The following GADL1 variants were observed in gnomAD, a reference collection of about 807,000 sequenced individuals.
GADL1 encodes acidic amino acid decarboxylase GADL1.
In GADL1, 71 loss-of-function variants were observed where a neutral mutation model predicts 69.5. The ratio of observed to expected loss-of-function variants is 1.02; its 90% CI spans 0.84 to 1.25. The LOEUF is 1.25. Among genes scored for constraint, GADL1 ranks in the 50% most tolerant of loss-of-function variants. GADL1 has a pLI of 0.00. For missense variants in GADL1, 737 were observed against 631.8 expected, an observed-to-expected ratio of 1.17 and a Z score of -1.79; for synonymous variants, 254 against 214.4, an observed-to-expected ratio of 1.18 and a Z score of -1.62.
intron 1 of GADL1, among the ~76,000 whole-genome samples, chr3:30,881,190 T>C (rs1429155844): frequency 6.6e-6 from 1 of 151,958 alleles, no homozygotes. Context: ...TAAATTGTAA[T>C]TATGCTTGTA....
chr3:30,867,317 A>C (rs560131946), intron 1 of GADL1, among the ~76,000 whole-genome samples: 3 of 151,298 alleles, frequency 2.0e-5, no homozygotes, highest in African/African-American at 4.9e-5. Flanking sequence ...CAAAACTTCA[A>C]ATCTTCAGTT....
intron 14 of GADL1, among the ~76,000 whole-genome samples, chr3:30,733,601 CT>C (rs1204876669): frequency 6.7e-6 from 1 of 148,514 alleles, no homozygotes; most frequent in Non-Finnish European, 1.5e-5. Flanking sequence ...TCCTTCCTTC[CT>C]TCCTTCCTTC....
rs750549374 is a variant in GADL1, at chr3:30,857,127, C to A, written c.225G>T (p.Arg75Ser). 10 of 1,550,024 alleles carry A rather than the reference C, an allele frequency of 6.5e-6. No homozygotes were observed. The highest frequency in any genetic ancestry group is 8.7e-6 in the Non-Finnish European group (10 of 1,145,720). ...TDVNEKVCEW[R>S]PPEQLKQLLD... ...GAAGCTGTTTCAGTTGTTCAGGAGG[C>A]CTCCATTCACACACCTGGAGATTCA... The change falls in exon 3 of 15, where the codon AGG becomes AGT. Residue 75 changes from arginine (R) to serine (S), a missense_variant. Arg to Ser is a moderately radical substitution (Grantham distance 110). Coordinates refer to ENST00000282538, the MANE Select transcript of GADL1 (RefSeq NM_207359.3).
chr3:30,894,545 A>G, intron 1 of GADL1, 33 bp downstream of exon 1: 1 of 1,539,222 alleles, frequency 6.5e-7, no homozygotes, highest in Non-Finnish European at 8.8e-7. Flanking sequence ...GGGGAGGTTA[A>G]GGACAAAAAC....
Position 30,869,645 on chromosome 3 carries a change from A to ATTT in GADL1, c.38-7881_38-7880insAAA, listed in dbSNP as rs1398818258. Among the ~76,000 whole-genome samples, 19 of 144,490 alleles carry ATTT rather than the reference A, an allele frequency of 1.3e-4. No homozygotes were observed. In the East Asian group the frequency reaches 2.5e-3, roughly 19 times the overall value. The allele number at this position is 144,490 out of a possible 152,430, so 94.8% of individuals were successfully genotyped here. On this transcript the variant is annotated intron_variant, in intron 1 of 14. Transcript: ENST00000282538. ...ATCTATTTTATTTTATTTTTTTTTG[A>ATTT]AAAGAGCAAGACGAGAATTTTAATC...
intron 11 of GADL1, among the ~76,000 whole-genome samples, chr3:30,815,232 T>G (rs1411467472): frequency 6.6e-6 from 1 of 152,132 alleles, no homozygotes; most frequent in African/African-American, 2.4e-5. Flanking sequence ...TAAAACTGGT[T>G]AAATTTGTGT....
intron 1 of GADL1, among the ~76,000 whole-genome samples, chr3:30,875,884 C>G (rs1698570618): frequency 6.6e-6 from 1 of 151,822 alleles, no homozygotes; most frequent in Non-Finnish European, 1.5e-5. Context: ...CATTCACACA[C>G]AAGAAAAAGC....
At chr3:30,856,739 T>C (rs997011758) in intron 3 of GADL1, among the ~76,000 whole-genome samples, 7 of 152,040 alleles carry the variant, frequency 4.6e-5, no homozygotes, top group African/African-American at 1.4e-4. Context: ...TGATAATATA[T>C]GATCTTGATT....
intron 11 of GADL1, among the ~76,000 whole-genome samples, chr3:30,814,890 G>A (rs9825703): frequency 6.6e-6 from 1 of 151,572 alleles, no homozygotes; most frequent in African/African-American, 2.4e-5. Context: ...CTTGAACCTG[G>A]GAGGCGGAGA....
chr3:30,841,427 G>A (rs901706022), intron 8 of GADL1, among the ~76,000 whole-genome samples: 6 of 152,076 alleles, frequency 3.9e-5, no homozygotes, highest in African/African-American at 2.4e-5. Context: ...GATAATGACT[G>A]TGGTGGAATA....
rs1313783898 is a variant in GADL1, at chr3:30,800,804, TAGACAC to T, written c.1250+79_1250+84del. The stretch of plus-strand genomic sequence containing the variant: ...TAGGTCTTCCTATTACAGACACAGA[TAGACAC>T]ACACACACACACACACACACACACA... On this transcript the variant is annotated intron_variant, in intron 12 of 14. Transcript: ENST00000282538. 8.7e-4 allele frequency: 837 copies of T among 960,924 alleles called. 2 individuals are homozygous for T. The East Asian group carries it at 0.014, about 16-fold the overall frequency. 59.5% of individuals were successfully genotyped at this position (960,924 alleles called of 1,614,324 possible). A position where few individuals can be genotyped will look rare whatever the true frequency, so the allele number is the denominator to read the frequency against.
chr3:30,761,392 G>T (rs1414928567), intron 14 of GADL1, among the ~76,000 whole-genome samples: 1 of 152,050 alleles, frequency 6.6e-6, no homozygotes, highest in Non-Finnish European at 1.5e-5. Flanking sequence ...GACAAAACAA[G>T]TAGCCAAGTC....
chr3:30,837,092 G>A (rs1389137400), intron 9 of GADL1, among the ~76,000 whole-genome samples: 4 of 151,982 alleles, frequency 2.6e-5, no homozygotes. Flanking sequence ...TGTATGCAGA[G>A]CAGCATGGTT....
At chr3:30,806,764 CAG>C (rs1189558938) in intron 11 of GADL1, among the ~76,000 whole-genome samples, 8 of 152,166 alleles carry the variant, frequency 5.3e-5, no homozygotes, top group Admixed American at 3.3e-4. Context: ...GATGAGAGAA[CAG>C]AACTAATTGA....
intron 14 of GADL1, among the ~76,000 whole-genome samples, chr3:30,771,753 CAA>C (rs780499685): frequency 5.7e-4 from 87 of 152,270 alleles, no homozygotes; most frequent in Non-Finnish European, 1.1e-3. Context: ...ATACTAATGT[CAA>C]AGACAATGAC....
intron 8 of GADL1, among the ~76,000 whole-genome samples, chr3:30,840,312 C>T (rs547360007): frequency 1.1e-4 from 17 of 152,186 alleles, no homozygotes; most frequent in African/African-American, 3.6e-4. Context: ...ATATGTGGTT[C>T]GCCTCTCTAA....
At chr3:30,803,874 G>C (rs9870495) in intron 11 of GADL1, among the ~76,000 whole-genome samples, 1 of 151,978 alleles carries the variant, frequency 6.6e-6, no homozygotes, top group African/African-American at 2.4e-5. Context: ...ATAGTAAAAC[G>C]TAACATTGTT....
intron 14 of GADL1, among the ~76,000 whole-genome samples, chr3:30,758,727 C>T (rs1696043480): frequency 6.6e-6 from 1 of 152,170 alleles, no homozygotes; most frequent in African/African-American, 2.4e-5. Context: ...TTCAAGAGGA[C>T]TCCATTGTAT....
intron 11 of GADL1, among the ~76,000 whole-genome samples, chr3:30,819,606 T>C (rs1002559417): frequency 6.6e-6 from 1 of 151,954 alleles, no homozygotes; most frequent in Non-Finnish European, 1.5e-5. Context: ...TGCCCTCAAA[T>C]GTAAAATAGC....
Sources: gnomAD v4.1 joint callset for allele counts (sites outside exome capture counted in the v4.1 genomes callset) on GRCh38, gnomAD v4.1.1 for gene constraint, MANE v1.5 for transcripts, NCBI Gene and HGNC (gene_info 2026-07-23, HGNC 2026-07-21) for gene names.